Variants in KAT2A observed in about 807,000 individuals in gnomAD.
KAT2A encodes lysine acetyltransferase 2A.
In KAT2A, 42 loss-of-function variants were observed where a neutral mutation model predicts 95.2. The ratio of observed to expected loss-of-function variants is 0.44; its 90% CI spans 0.34 to 0.57. KAT2A has a LOEUF of 0.57. KAT2A is among the 20% of genes least tolerant of loss of function. The pLI is 0.01. For missense variants in KAT2A, 784 were observed against 1,126.3 expected, an observed-to-expected ratio of 0.70 and a Z score of 4.35; for synonymous variants, 449 against 448.2, an observed-to-expected ratio of 1.00 and a Z score of -0.02.
chr17:42,114,214 C>T lies in KAT2A; in HGVS notation c.2235+5G>A, dbSNP rs1555665453. 1 of 1,595,510 alleles carries T rather than the reference C, an allele frequency of 6.3e-7. No homozygotes were observed. Among genetic ancestry groups the T allele is most frequent in the South Asian group, 1.1e-5 (1 of 89,734 alleles). On this transcript the variant is annotated splice_donor_5th_base_variant and intron_variant, in intron 16 of 17. Transcript: ENST00000225916. The surrounding 1 kb of genome is among the most constrained non-coding windows in gnomAD (Gnocchi z 6.0). ...GGCCCTGGAAAGGAAACCTGGTCTC[C>T]CCACCTTGATTTGGGCCAGCAGGTT...
rs2054311142 is a variant in KAT2A, at chr17:42,119,866, C to T, written c.700-148G>A. 1 of 957,260 alleles carries T rather than the reference C, an allele frequency of 1.0e-6. No homozygotes were observed. The highest frequency in any genetic ancestry group is 1.6e-5 in the South Asian group (1 of 62,772). The allele number at this position is 957,260 out of a possible 1,614,324, so 59.3% of individuals were successfully genotyped here. A position where few individuals can be genotyped will look rare whatever the true frequency, so the allele number is the denominator to read the frequency against. On this transcript the variant is annotated intron_variant, in intron 4 of 17. Coordinates refer to ENST00000225916, the MANE Select transcript of KAT2A (RefSeq NM_021078.3). This position sits in a 1 kb window ranked among gnomAD's most constrained non-coding sequence, Gnocchi z 5.3. ...GGTGCTCTCTATAGAAAAGCTCTGC[C>T]CCCTCCCTACCACCATGCCCACCCT...
chr17:42,118,263 C>T (rs1438226620), intron 7 of KAT2A, 34 bp downstream of exon 7: 1 of 1,500,498 alleles, frequency 6.7e-7, no homozygotes, highest in African/African-American at 1.4e-5. Context: ...GCCAGGCAGG[C>T]CAGACACCCT....
Position 42,121,178 on chromosome 17 carries a change from T to C in KAT2A, c.127A>G (p.Thr43Ala). 7.2e-7 allele frequency: 1 copy of C among 1,392,326 alleles called. No homozygotes were observed. Among genetic ancestry groups the C allele is most frequent in the Non-Finnish European group, 9.5e-7 (1 of 1,049,848 alleles). 86.2% of individuals were successfully genotyped at this position (1,392,326 alleles called of 1,614,324 possible). Residue 43 changes from threonine (T) to alanine (A), a missense_variant, in exon 1 of 18, where the codon ACC becomes GCC. Thr to Ala is a moderately conservative substitution (Grantham distance 58). Around this residue, in one of 6 missense-constraint regions of KAT2A, gnomAD observed 142 missense variants for 123.2 expected, o/e 1.15. Coordinates refer to ENST00000225916, the MANE Select transcript of KAT2A (RefSeq NM_021078.3). ...GCTGGGGCAGGGGCTGGTGCCGGGG[T>C]GGGAGTCGGAATCGGGGCTGAAGCC... ...SPASAPIPTP[T>A]PAPAPAPAAA...
At position 42,113,405 on chromosome 17, in the gene KAT2A, C is replaced by T; in HGVS notation, c.*244G>A. On this transcript the variant is annotated 3_prime_UTR_variant, in exon 18 of 18. Transcript: ENST00000225916. ...CTGGGCAAGGTTCATCCCTGGCCAC[C>T]AGCTACTCTAGAGGGGCTGGGCCCC... 1 of 412,882 alleles carries T rather than the reference C, an allele frequency of 2.4e-6. No homozygotes were observed. The allele number at this position is 412,882 out of a possible 1,614,324, so 25.6% of individuals were successfully genotyped here. A position where few individuals can be genotyped will look rare whatever the true frequency, so the allele number is the denominator to read the frequency against.
chr17:42,119,388 G>A lies in KAT2A; in HGVS notation c.930C>T (p.Arg310=). 6.2e-7 allele frequency: 1 copy of A among 1,614,068 alleles called. No homozygotes were observed. The highest frequency in any genetic ancestry group is 8.5e-7 in the Non-Finnish European group (1 of 1,179,934). ...GCCCAAAGACATGAGTGGTTTCGTA[G>A]CGGGGGAGGCTATCACAGCTCTGGG... ...HVPQSCDSLP[R]YETTHVFGRS... is the part of the protein sequence containing the mutation. The change falls in exon 6 of 18, where the codon CGC becomes CGT. Residue 310 remains arginine (R), a synonymous_variant. Coordinates refer to ENST00000225916, the MANE Select transcript of KAT2A (RefSeq NM_021078.3). This position sits in a 1 kb window ranked among gnomAD's most constrained non-coding sequence, Gnocchi z 5.3.
In KAT2A at chr17:42,117,149, A is replaced by G; in HGVS notation, c.1650T>C (p.Thr550=). The stretch of plus-strand genomic sequence containing the variant: ...CCCGCCCATCCTTGATCAAGGCCAG[A>G]GTCTTGTGCTTCCTAAGAGAGAGGG... ...ARLVFDPKHK[T]LALIKDGRVI... Residue 550 remains threonine (T), a synonymous_variant, in exon 11 of 18, where the codon ACT becomes ACC. Transcript: ENST00000225916. The surrounding 1 kb of genome is among the most constrained non-coding windows in gnomAD (Gnocchi z 8.9). 1 of 1,613,970 alleles carries G rather than the reference A, an allele frequency of 6.2e-7. No individual in the cohort carries two copies. Among genetic ancestry groups the G allele is most frequent in the Non-Finnish European group, 8.5e-7 (1 of 1,180,018 alleles).
intron 2 of KAT2A, 106 bp downstream of exon 2, chr17:42,120,600 C>A: frequency 7.5e-7 from 1 of 1,326,580 alleles, no homozygotes; most frequent in Non-Finnish European, 1.0e-6. Context: ...ATCCCTCCTT[C>A]GAGGCATCTT....
chr17:42,118,557 C>T (rs1318658235), intron 6 of KAT2A, among the ~76,000 whole-genome samples, 154 bp from the exon 7 acceptor site: 1 of 152,176 alleles, frequency 6.6e-6, no homozygotes, highest in South Asian at 2.1e-4. Flanking sequence ...CTGGGAGCCT[C>T]CAATTGAAGG....
Position 42,113,584 on chromosome 17 carries a change from C to T in KAT2A, c.*65G>A. 7 of 1,513,278 alleles carry T rather than the reference C, an allele frequency of 4.6e-6. No homozygotes were observed. Among genetic ancestry groups the T allele is most frequent in the Non-Finnish European group, 6.3e-6 (7 of 1,117,660 alleles). The allele number at this position is 1,513,278 out of a possible 1,614,324, so 93.7% of individuals were successfully genotyped here. A position where few individuals can be genotyped will look rare whatever the true frequency, so the allele number is the denominator to read the frequency against. On this transcript the variant is annotated 3_prime_UTR_variant, in exon 18 of 18. Coordinates refer to ENST00000225916, the MANE Select transcript of KAT2A (RefSeq NM_021078.3). ...CGGGTCCGTGGGGCCAGGGCACCCC[C>T]TAAGGATCAGATCAGAATCCGAGGT...
In KAT2A at chr17:42,117,795, T is replaced by C; in HGVS notation, c.1311A>G (p.Pro437=). ...EPMPGEKRTL[P]ENLTLEDAKR... ...TGGCATCCTCCAGGGTCAGGTTCTC[T>C]GGGAGCGTCCTCTTCTCGCCTATTG... Residue 437 remains proline, a synonymous_variant, in exon 9 of 18, where the codon CCA becomes CCG. Coordinates refer to ENST00000225916, the MANE Select transcript of KAT2A (RefSeq NM_021078.3). This position sits in a 1 kb window ranked among gnomAD's most constrained non-coding sequence, Gnocchi z 8.9. The C allele has an allele frequency of 6.2e-7, 1 of 1,613,970 alleles. No individual in the cohort carries two copies. The highest frequency in any genetic ancestry group is 8.5e-7 in the Non-Finnish European group (1 of 1,179,892).
intron 6 of KAT2A, among the ~76,000 whole-genome samples, chr17:42,118,862 C>G (rs1177072878): frequency 1.3e-5 from 2 of 152,182 alleles, no homozygotes; most frequent in Non-Finnish European, 2.9e-5. Context: ...TGTGGCCGAA[C>G]AGAAGAAAAT....
rs937241017 is a variant in KAT2A at position 42,114,412 on chromosome 17, G to A, written c.2135-18C>T. Reference sequence around the variant, plus strand: ...TGTCTCTCCTGCAAAGTGGGAAGTGGGAGAATGTCTCTAAGAATGCCAGTC... The same window carrying A: ...TGTCTCTCCTGCAAAGTGGGAAGTGAGAGAATGTCTCTAAGAATGCCAGTC... On this transcript the variant is annotated intron_variant, in intron 14 of 17. Transcript: ENST00000225916. The surrounding 1 kb of genome is among the most constrained non-coding windows in gnomAD (Gnocchi z 6.0). 17 of 1,613,830 alleles carry A rather than the reference G, an allele frequency of 1.1e-5. No homozygotes were observed. Among genetic ancestry groups the A allele is most frequent in the Middle Eastern group, 1.6e-4 (1 of 6,080 alleles).
rs782229597 is a variant in KAT2A at position 42,114,503 on chromosome 17, G to A, written c.2121C>T (p.Ser707=). 3.0e-5 allele frequency: 49 copies of A among 1,613,868 alleles called. No homozygotes were observed. The highest frequency in any genetic ancestry group is 4.1e-5 in the Non-Finnish European group (48 of 1,179,894). The change falls in exon 14 of 18, where the codon AGC becomes AGT. Residue 707 remains serine (S), a synonymous_variant. Transcript: ENST00000225916. This position sits in a 1 kb window ranked among gnomAD's most constrained non-coding sequence, Gnocchi z 6.0. ...ACCCCTGCTTACGAATGCCAGGAAC[G>A]CTCTCCACAGGGATCTGCCTCACGC... is the stretch of plus-strand genomic sequence containing the variant. ...KEGVRQIPVE[S]VPGIRETGWK...
chr17:42,115,039 G>A lies in KAT2A; in HGVS notation c.1876-4C>T, dbSNP rs932656083. 1 of 1,613,388 alleles carries A rather than the reference G, an allele frequency of 6.2e-7. No homozygotes were observed. The highest frequency in any genetic ancestry group is 1.1e-5 in the South Asian group (1 of 91,068). On this transcript the variant is annotated splice_region_variant and splice_polypyrimidine_tract_variant and intron_variant, in intron 12 of 17. Transcript: ENST00000225916. Reference sequence around the variant, plus strand: ...CCTTGATGTCCTTGGAGAAACCCTGGGGGGTGGATGGTCATGACCCAGTCC... The same window carrying A: ...CCTTGATGTCCTTGGAGAAACCCTGAGGGGTGGATGGTCATGACCCAGTCC...
In KAT2A at chr17:42,117,621, G is replaced by A; in HGVS notation, c.1429-25C>T. The A allele has an allele frequency of 6.2e-7, 1 of 1,607,536 alleles. No homozygotes were observed. Among genetic ancestry groups the A allele is most frequent in the African/African-American group, 1.3e-5 (1 of 74,936 alleles). ...TCTGGGCACAGAAGAGGGGTGGTGA[G>A]CCGGGGTCTCAGGTTGGTGGGGGTC... On this transcript the variant is annotated intron_variant, in intron 9 of 17. Transcript: ENST00000225916. This position sits in a 1 kb window ranked among gnomAD's most constrained non-coding sequence, Gnocchi z 8.9.
chr17:42,120,458 ACT>A, intron 2 of KAT2A, 88 bp from the exon 3 acceptor site: 6 of 1,420,556 alleles, frequency 4.2e-6, no homozygotes, highest in South Asian at 1.2e-5. Flanking sequence ...CAAGATACAC[ACT>A]CTGTTCCTCC....
chr17:42,114,634 C>T lies in KAT2A; in HGVS notation c.2020-30G>A. 1.3e-6 allele frequency: 2 copies of T among 1,587,588 alleles called. No individual in the cohort carries two copies. Among genetic ancestry groups the T allele is most frequent in the Non-Finnish European group, 1.7e-6 (2 of 1,159,744 alleles). On this transcript the variant is annotated intron_variant, in intron 13 of 17. Transcript: ENST00000225916. The surrounding 1 kb of genome is among the most constrained non-coding windows in gnomAD (Gnocchi z 6.0). ...GGGAAGGAAGGGACTGAGGGGCCAA[C>T]TCCAGCCCCAACAACAACCCCTCCC... is the stretch of plus-strand genomic sequence containing the variant.
chr17:42,113,304 G>T lies in KAT2A; in HGVS notation c.*345C>A, dbSNP rs1438167825. ...AAAATGAGCAGTTCTGGTCCTCAGG[G>T]AAACAGCCACCTGGGCCAGGCCCAG... On this transcript the variant is annotated 3_prime_UTR_variant, in exon 18 of 18. Coordinates refer to ENST00000225916, the MANE Select transcript of KAT2A (RefSeq NM_021078.3). The T allele has an allele frequency of 4.4e-6, 1 of 228,438 alleles. No individual in the cohort carries two copies. Among genetic ancestry groups the T allele is most frequent in the East Asian group, 1.3e-4 (1 of 7,702 alleles). The allele number at this position is 228,438 out of a possible 1,614,324, so 14.2% of individuals were successfully genotyped here. A position where few individuals can be genotyped will look rare whatever the true frequency, so the allele number is the denominator to read the frequency against.
Position 42,114,988 on chromosome 17 carries a change from G to A in KAT2A, c.1923C>T (p.Tyr641=), listed in dbSNP as rs1264739630. 3 of 1,613,946 alleles carry A rather than the reference G, an allele frequency of 1.9e-6. No individual in the cohort carries two copies. In the African/African-American group the frequency reaches 4.0e-5, roughly 22 times the overall value. The change falls in exon 13 of 18, where the codon TAC becomes TAT. Residue 641 remains tyrosine (Y), a synonymous_variant. Transcript: ENST00000225916. The surrounding 1 kb of genome is among the most constrained non-coding windows in gnomAD (Gnocchi z 6.0). The part of the protein sequence containing the change: ...IKVPKSRYLG[Y]IKDYEGATLM... Reference sequence around the variant, plus strand: ...GCGTCGCTCCCTCGTAGTCCTTGATGTAGCCCAGGTAGCGGCTCTTGGGCA... The same window carrying A: ...GCGTCGCTCCCTCGTAGTCCTTGATATAGCCCAGGTAGCGGCTCTTGGGCA...
Sources: allele counts gnomAD v4.1 joint callset (sites outside exome capture counted in the v4.1 genomes callset), GRCh38; gene constraint gnomAD v4.1.1; regional missense constraint gnomAD v4.1.1; non-coding constraint Gnocchi (gnomAD v3.1); transcripts MANE v1.5; gene names NCBI Gene and HGNC (gene_info 2026-07-23, HGNC 2026-07-21).